Variants in MMP16 observed in about 807,000 individuals in gnomAD.
MMP16 encodes the protein matrix metalloproteinase-16.
MMP16 carries 12 observed loss-of-function variants against 67.8 expected under a neutral mutation model. The observed-to-expected ratio is 0.18, with a 90% CI of 0.11 to 0.29. The LOEUF (loss-of-function observed/expected upper bound fraction) is 0.29. Among genes scored for constraint, MMP16 ranks in the 10% least tolerant of loss-of-function variants. The pLI, the probability that MMP16 is intolerant of heterozygous loss-of-function variation, is 1.00. For synonymous variants in MMP16, 249 were observed against 255.9 expected (o/e 0.97, Z 0.26); for missense variants, 475 against 765.7 (o/e 0.62, Z 4.48).
intron 1 of MMP16, among the ~76,000 whole-genome samples, chr8:88,275,611 A>G (rs1810636225): frequency 6.6e-6 from 1 of 151,786 alleles, no homozygotes; most frequent in Non-Finnish European, 1.5e-5. Context: ...TACATTATAA[A>G]TAATACCATT....
intron 1 of MMP16, among the ~76,000 whole-genome samples, chr8:88,284,165 A>G (rs1167951951): frequency 6.6e-6 from 1 of 152,204 alleles, no homozygotes; most frequent in Non-Finnish European, 1.5e-5. Context: ...ATTGCTCTGT[A>G]TTATCCACAG....
At chr8:88,092,326 T>C (rs1353462543) in intron 6 of MMP16, among the ~76,000 whole-genome samples, 3 of 151,898 alleles carry the variant, frequency 2.0e-5, no homozygotes, top group African/African-American at 7.2e-5. Context: ...TATCTTTGCA[T>C]TGCTCGTTCC....
chr8:88,208,610 T>C (rs1356766557), intron 1 of MMP16, among the ~76,000 whole-genome samples: 1 of 152,116 alleles, frequency 6.6e-6, no homozygotes, highest in Non-Finnish European at 1.5e-5. Flanking sequence ...TTGCCAGTGC[T>C]ATTGAACAGA....
At position 88,034,228 on chromosome 8, in the gene MMP16, C is replaced by CA. The variant is rs1159150877; in HGVS notation, c.*7232dup. The CA allele has an allele frequency of 1.6e-5, 2 of 127,660 alleles. No homozygotes were observed. The highest frequency in any genetic ancestry group is 2.3e-4 in the East Asian group (1 of 4,344). 7.9% of individuals were successfully genotyped at this position (127,660 alleles called of 1,614,324 possible). A position where few individuals can be genotyped will look rare whatever the true frequency, so the allele number is the denominator to read the frequency against. ...GGTTTTCACAAAGGGAAGGGAAAACCAAATCTGTGTAAAAAAAAAAAAAAA... is the reference window on the plus strand; with the variant it reads ...GGTTTTCACAAAGGGAAGGGAAAACCAAAATCTGTGTAAAAAAAAAAAAAAA... On this transcript the variant is annotated 3_prime_UTR_variant, in exon 10 of 10. Coordinates refer to ENST00000286614, the MANE Select transcript of MMP16 (RefSeq NM_005941.5).
At chr8:88,206,440 C>T (rs927190571) in intron 1 of MMP16, among the ~76,000 whole-genome samples, 5 of 152,132 alleles carry the variant, frequency 3.3e-5, no homozygotes, top group African/African-American at 1.2e-4. Flanking sequence ...TGTCCTCCTA[C>T]ATCCCAGAGA....
rs761175224 is a variant in MMP16, at chr8:88,041,564, G to A, written c.1721C>T (p.Ala574Val). Reference sequence around the variant, plus strand: ...GTAAACCAATACAAGGAGGCATAAGGCCAAGATGCAGGGAATGACAATAGC... The same window carrying A: ...GTAAACCAATACAAGGAGGCATAAGACCAAGATGCAGGGAATGACAATAGC... ...AIAIVIPCIL[A>V]LCLLVLVYTV... The change falls in exon 10 of 10, where the codon GCC becomes GTC. Residue 574 changes from alanine to valine, a missense_variant. By Grantham distance (64) the Ala-to-Val change is moderately conservative. This residue lies in a region of MMP16 where 80 missense variants were observed against 93.4 expected (regional missense o/e 0.86). Transcript: ENST00000286614. This position sits in a 1 kb window ranked among gnomAD's most constrained non-coding sequence, Gnocchi z 6.0. 6.2e-7 allele frequency: 1 copy of A among 1,614,154 alleles called. No homozygotes were observed. The highest frequency in any genetic ancestry group is 8.5e-7 in the Non-Finnish European group (1 of 1,180,004).
At chr8:88,282,090 G>GC (rs1554591349) in intron 1 of MMP16, among the ~76,000 whole-genome samples, 3 of 147,778 alleles carry the variant, frequency 2.0e-5, no homozygotes, top group Admixed American at 1.3e-4. Context: ...TTTGGGGGGG[G>GC]GGGGGCGACG....
At chr8:88,234,246 T>C (rs988692621) in intron 1 of MMP16, among the ~76,000 whole-genome samples, 1 of 152,340 alleles carries the variant, frequency 6.6e-6, no homozygotes, top group Admixed American at 6.5e-5. Context: ...AATCTGTTTA[T>C]GCATGTGAAT....
At chr8:88,131,530 A>G (rs1808030177) in intron 4 of MMP16, among the ~76,000 whole-genome samples, 3 of 151,840 alleles carry the variant, frequency 2.0e-5, no homozygotes, top group Admixed American at 1.3e-4. Context: ...AGAGTCTCCA[A>G]GGAATTTACT....
intron 6 of MMP16, among the ~76,000 whole-genome samples, chr8:88,092,951 A>G (rs948379121): frequency 8.6e-5 from 13 of 151,908 alleles, no homozygotes; most frequent in African/African-American, 2.9e-4. Flanking sequence ...ACTGGGATGC[A>G]TGCAAATCTG....
intron 4 of MMP16, among the ~76,000 whole-genome samples, chr8:88,155,489 A>G (rs1244282693): frequency 6.6e-6 from 1 of 152,052 alleles, no homozygotes; most frequent in Non-Finnish European, 1.5e-5. Context: ...TGAGTTCTGA[A>G]TTGCACACTA....
Position 88,184,006 on chromosome 8 carries a change from A to G in MMP16, c.404+2470T>C, listed in dbSNP as rs529745764. ...AGTGATCCGCCCACCTCAGCCTCCCAGAGAGCTGGGATTACAGGCGCAAGC... is the reference window on the plus strand; with the variant it reads ...AGTGATCCGCCCACCTCAGCCTCCCGGAGAGCTGGGATTACAGGCGCAAGC... On this transcript the variant is annotated intron_variant, in intron 3 of 9. Transcript: ENST00000286614. 9.4e-4 allele frequency among the ~76,000 whole-genome samples: 143 copies of G among 152,188 alleles called. 1 individual carries two copies. Among genetic ancestry groups the G allele is most frequent in the African/African-American group, 3.3e-3 (139 of 41,544 alleles).
rs551772786 is a variant in MMP16 at position 88,263,057 on chromosome 8, A to T, written c.132+64018T>A. Among the ~76,000 whole-genome samples the T allele has an allele frequency of 4.4e-3, 582 of 130,894 alleles. 3 individuals are homozygous for T. Among genetic ancestry groups the T allele is most frequent in the African/African-American group, 0.018 (541 of 30,610 alleles). The allele number at this position is 130,894 out of a possible 152,430, so 85.9% of individuals were successfully genotyped here. ...AAATAAATAAATAAATAAAATAAAAAAAGTTTTTTTTAATTCAAAAGGAGT... is the reference window on the plus strand; with the variant it reads ...AAATAAATAAATAAATAAAATAAAATAAGTTTTTTTTAATTCAAAAGGAGT... On this transcript the variant is annotated intron_variant, in intron 1 of 9. Coordinates refer to ENST00000286614, the MANE Select transcript of MMP16 (RefSeq NM_005941.5).
Position 88,058,316 on chromosome 8 carries a change from A to G in MMP16, c.1223-2038T>C, listed in dbSNP as rs1290688390. Among the ~76,000 whole-genome samples, 1 of 152,102 alleles carries G rather than the reference A, an allele frequency of 6.6e-6. No homozygotes were observed. Among genetic ancestry groups the G allele is most frequent in the Non-Finnish European group, 1.5e-5 (1 of 67,990 alleles). On this transcript the variant is annotated intron_variant, in intron 7 of 9. Coordinates refer to ENST00000286614, the MANE Select transcript of MMP16 (RefSeq NM_005941.5). The surrounding 1 kb of genome is among the most constrained non-coding windows in gnomAD (Gnocchi z 4.2). ...TTGGAGACAAATGGATTATAAAGGG[A>G]AGAATGAAAATAAGATGACCCATCA...
chr8:88,068,302 G>A (rs1303949850), intron 7 of MMP16, among the ~76,000 whole-genome samples: 1 of 152,056 alleles, frequency 6.6e-6, no homozygotes, highest in South Asian at 2.1e-4. Flanking sequence ...TATATATTGT[G>A]AATAAAAATC....
At chr8:88,090,570 T>C (rs994082681) in intron 6 of MMP16, among the ~76,000 whole-genome samples, 2 of 151,904 alleles carry the variant, frequency 1.3e-5, no homozygotes, top group African/African-American at 4.8e-5. Flanking sequence ...ACCTGGTCCA[T>C]CAAGTTCATC....
At chr8:88,232,544 A>G (rs1809878417) in intron 1 of MMP16, among the ~76,000 whole-genome samples, 2 of 152,210 alleles carry the variant, frequency 1.3e-5, no homozygotes, top group South Asian at 4.1e-4. Flanking sequence ...TATGTTCCGT[A>G]TGGTGAGACT....
intron 6 of MMP16, among the ~76,000 whole-genome samples, chr8:88,080,677 C>T (rs1563525912): frequency 6.6e-6 from 1 of 152,212 alleles, no homozygotes; most frequent in East Asian, 1.9e-4. Flanking sequence ...CTCAAGTGAT[C>T]CACCCACCTT....
chr8:88,118,527 G>A (rs1305574840), intron 5 of MMP16, among the ~76,000 whole-genome samples, 173 bp downstream of exon 5: 1 of 151,948 alleles, frequency 6.6e-6, no homozygotes, highest in Non-Finnish European at 1.5e-5. Flanking sequence ...AAGATACCTG[G>A]GACCTTTGCC....
Sources: allele counts gnomAD v4.1 joint callset (sites outside exome capture counted in the v4.1 genomes callset), GRCh38; gene constraint gnomAD v4.1.1; regional missense constraint gnomAD v4.1.1; non-coding constraint Gnocchi (gnomAD v3.1); transcripts MANE v1.5; gene names NCBI Gene and HGNC (gene_info 2026-07-23, HGNC 2026-07-21).